The following CHD1L variants were observed in gnomAD, a reference collection of about 807,000 sequenced individuals.
CHD1L encodes chromodomain helicase DNA binding protein 1 like.
In CHD1L, 118 loss-of-function variants were observed where a neutral mutation model predicts 115.9. The ratio of observed to expected loss-of-function variants is 1.02; its 90% confidence interval spans 0.88 to 1.19. The LOEUF is 1.19. CHD1L is among the 50% of genes most tolerant of loss of function. The probability of loss-of-function intolerance (pLI) is 0.00; values close to 1 mark genes in which losing one functional copy is unlikely to be tolerated. For missense variants in CHD1L, 1,179 were observed against 1,065.3 expected, an observed-to-expected ratio of 1.11 and a Z score of -1.49; for synonymous variants, 411 against 387.1, an observed-to-expected ratio of 1.06 and a Z score of -0.72.
chr1:147,232,416 C>G, the CHD1L span, among the ~76,000 whole-genome samples: 2 of 152,114 alleles, frequency 1.3e-5, no homozygotes, highest in African/African-American at 4.8e-5. Context: ...GCTCCTAGAG[C>G]GGTTGTATTC....
At chr1:147,228,538 T>C in the CHD1L span, among the ~76,000 whole-genome samples, 3 of 152,146 alleles carry the variant, frequency 2.0e-5, no homozygotes, top group South Asian at 2.1e-4. Flanking sequence ...AATGGGATGG[T>C]TGGGTCAAAT....
At chr1:147,177,633 C>G in the CHD1L span, among the ~76,000 whole-genome samples, 6 of 152,166 alleles carry the variant, frequency 3.9e-5, no homozygotes, top group Non-Finnish European at 8.8e-5. Flanking sequence ...GATCTTTGAT[C>G]TGTTTCCTCC....
At chr1:147,177,312 A>G in the CHD1L span, among the ~76,000 whole-genome samples, 12 of 152,252 alleles carry the variant, frequency 7.9e-5, no homozygotes, top group Non-Finnish European at 1.8e-4. Flanking sequence ...GTAATTCAGC[A>G]TTGGATTTAA....
chr1:147,289,025 C>T (rs985240336), intron 19 of CHD1L, among the ~76,000 whole-genome samples: 2 of 152,084 alleles, frequency 1.3e-5, no homozygotes, highest in African/African-American at 4.8e-5. Flanking sequence ...CCTAATTCTG[C>T]CCAGTTCTCT....
At chr1:147,232,074 A>AC in the CHD1L span, among the ~76,000 whole-genome samples, 1 of 152,062 alleles carries the variant, frequency 6.6e-6, no homozygotes, top group East Asian at 1.9e-4. Flanking sequence ...TCTTGGCTCC[A>AC]CCCCCCAGAG....
In CHD1L at chr1:147,268,851, A is replaced by G. The variant is rs1229550550; in HGVS notation, c.1058A>G (p.Asp353Gly). ...GCTAGTGGGAAGCTTCACCTGCTGG[A>G]TAAGCTACTAGCATTCCTGTATTCT... Reference protein sequence around the residue: ...TEASGKLHLLDKLLAFLYSGG... With the variant: ...TEASGKLHLLGKLLAFLYSGG... Residue 353 changes from aspartate (D) to glycine (G), a missense_variant, in exon 10 of 23, where the codon GAT becomes GGT. Asp to Gly is a moderately conservative substitution (Grantham distance 94). Transcript: ENST00000369258. The G allele has an allele frequency of 6.2e-7, 1 of 1,613,218 alleles. No homozygotes were observed. The highest frequency in any genetic ancestry group is 1.3e-5 in the African/African-American group (1 of 74,892).
intron 6 of CHD1L, 59 bp downstream of exon 6, chr1:147,259,977 T>C (rs1186650372): frequency 8.6e-6 from 11 of 1,276,374 alleles, no homozygotes; most frequent in Admixed American, 2.1e-5. Flanking sequence ...ATATACATTA[T>C]ATTTTAGAGT....
the CHD1L span, chr1:147,204,625 A>G: frequency 1.3e-6 from 2 of 1,590,884 alleles, no homozygotes; most frequent in South Asian, 2.2e-5. Context: ...TACCAGAACA[A>G]TGTTTGTGCC....
At chr1:147,215,157 T>C in the CHD1L span, 1 of 152,252 alleles carries the variant, frequency 6.6e-6, no homozygotes, top group Admixed American at 6.5e-5. Flanking sequence ...ACAATCATCT[T>C]GTTTTACAAA....
the CHD1L span, chr1:147,213,220 G>T: frequency 1.9e-6 from 2 of 1,074,632 alleles, no homozygotes; most frequent in Non-Finnish European, 2.6e-6. Context: ...TTCCAAAGTA[G>T]GAATTACTCA....
chr1:147,286,433 G>A lies in CHD1L; in HGVS notation c.2154G>A (p.Lys718=), dbSNP rs782249684. The A allele has an allele frequency of 1.9e-6, 3 of 1,614,054 alleles. No individual in the cohort carries two copies. In the East Asian group the frequency reaches 6.7e-5, roughly 36 times the overall value. ...DYQDPDATSL[K]YVSGDVTHPQ... is the part of the protein sequence containing the mutation. ...AAGACCCAGATGCTACTTCCCTCAA[G>A]TACGTTAGTGGTGATGTCACCCACC... The change falls in exon 18 of 23, where the codon AAG becomes AAA. Residue 718 remains lysine (K), a synonymous_variant. Transcript: ENST00000369258.
the CHD1L span, among the ~76,000 whole-genome samples, chr1:147,206,162 A>C: frequency 3.3e-5 from 5 of 150,726 alleles, 1 homozygote; most frequent in Non-Finnish European, 7.4e-5. Flanking sequence ...AGACACATGA[A>C]AAAATGCTCA....
chr1:147,292,186 A>T lies in CHD1L; in HGVS notation c.2391+634A>T, dbSNP rs375342388. 7.5e-4 allele frequency among the ~76,000 whole-genome samples: 114 copies of T among 152,352 alleles called. No homozygotes were observed. In the Middle Eastern group the frequency reaches 0.01, roughly 14 times the overall value. Reference sequence around the variant, plus strand: ...AGTACTAGCTCATAAGAAATGCTCCATAAACATTTACTGCATGAGTAAGAA... The same window carrying T: ...AGTACTAGCTCATAAGAAATGCTCCTTAAACATTTACTGCATGAGTAAGAA... On this transcript the variant is annotated intron_variant, in intron 20 of 22. Coordinates refer to ENST00000369258, the MANE Select transcript of CHD1L (RefSeq NM_004284.6).
the CHD1L span, among the ~76,000 whole-genome samples, chr1:147,182,407 A>C: frequency 6.6e-6 from 1 of 152,212 alleles, no homozygotes; most frequent in Non-Finnish European, 1.5e-5. Flanking sequence ...TAGTGGAGCA[A>C]AAAGAGAAGC....
the CHD1L span, among the ~76,000 whole-genome samples, chr1:147,228,073 T>A: frequency 6.6e-6 from 1 of 151,830 alleles, no homozygotes; most frequent in Non-Finnish European, 1.5e-5. Flanking sequence ...GTTAGTTACA[T>A]ATGCATACAT....
At chr1:147,204,379 T>A in the CHD1L span, 1 of 1,054,724 alleles carries the variant, frequency 9.5e-7, no homozygotes, top group Non-Finnish European at 1.5e-6. Flanking sequence ...TACGCATGCC[T>A]GAACAATAAG....
chr1:147,215,767 T>C, the CHD1L span: 1 of 1,602,462 alleles, frequency 6.2e-7, no homozygotes, highest in Non-Finnish European at 8.5e-7. Flanking sequence ...AAATCGAATA[T>C]ACTTTAGAAG....
the CHD1L span, chr1:147,190,245 T>C: frequency 6.2e-7 from 1 of 1,603,304 alleles, no homozygotes; most frequent in Non-Finnish European, 8.5e-7. Flanking sequence ...GCAATGTCTT[T>C]AGACCTAAAA....
intron 3 of CHD1L, among the ~76,000 whole-genome samples, chr1:147,255,518 C>T (rs1025932216): frequency 6.6e-6 from 1 of 152,110 alleles, no homozygotes; most frequent in Admixed American, 6.5e-5. Context: ...TGAGCCACCG[C>T]GCCCGGCCTA....
Sources: gnomAD v4.1 joint callset for allele counts (sites outside exome capture counted in the v4.1 genomes callset) on GRCh38, gnomAD v4.1.1 for gene constraint, MANE v1.5 for transcripts, NCBI Gene and HGNC (gene_info 2026-07-23, HGNC 2026-07-21) for gene names.